Variants in NUP37 observed in about 807,000 individuals in gnomAD.
NUP37 encodes the protein nucleoporin Nup37.
Under a neutral mutation model 45.4 loss-of-function variants are expected in NUP37, and 33 were observed. The observed-to-expected ratio is 0.73, with a 90% CI of 0.55 to 0.97. The LOEUF is 0.97. Among genes scored for constraint, NUP37 ranks in the 50% least tolerant of loss-of-function variants. The pLI is 0.00. For missense variants in NUP37, 365 were observed against 389.7 expected (o/e 0.94, Z 0.53); for synonymous variants, 127 against 130.7 (o/e 0.97, Z 0.19).
intron 5 of NUP37, among the ~76,000 whole-genome samples, chr12:102,096,993 A>C (rs1473345805): frequency 1.3e-5 from 2 of 152,042 alleles, no homozygotes; most frequent in African/African-American, 4.8e-5. Context: ...AATAAGCATA[A>C]ATTTCTTGCA....
chr12:102,079,575 T>G (rs1187684270), intron 6 of NUP37, among the ~76,000 whole-genome samples: 1 of 152,196 alleles, frequency 6.6e-6, no homozygotes, highest in Non-Finnish European at 1.5e-5. Context: ...ATATACTGAT[T>G]CATTAATATA....
intron 9 of NUP37, 41 bp downstream of exon 9, chr12:102,074,960 A>T (rs1879127526): frequency 7.6e-7 from 1 of 1,307,944 alleles, no homozygotes. Context: ...ACAAATTAAA[A>T]AAAAAAAAAG....
At chr12:102,117,280 C>T (rs1488511731) in intron 2 of NUP37, among the ~76,000 whole-genome samples, 1 of 151,420 alleles carries the variant, frequency 6.6e-6, no homozygotes, top group East Asian at 1.9e-4. Context: ...ATCATGAAAC[C>T]CCCTACTAAA....
chr12:102,098,235 T>G (rs10507142), intron 5 of NUP37, among the ~76,000 whole-genome samples: 5,377 of 152,262 alleles, frequency 0.035, 384 homozygotes, highest in East Asian at 0.29. Context: ...GTTCTTTATT[T>G]GTGATATTCT....
At chr12:102,091,972 T>C (rs1365427789) in intron 5 of NUP37, among the ~76,000 whole-genome samples, 6 of 152,212 alleles carry the variant, frequency 3.9e-5, no homozygotes, top group Non-Finnish European at 1.5e-5. Flanking sequence ...TAAATGTTAT[T>C]GTCCCAATAA....
intron 5 of NUP37, among the ~76,000 whole-genome samples, chr12:102,090,360 T>C (rs1400379000): frequency 3.9e-5 from 6 of 152,158 alleles, no homozygotes; most frequent in African/African-American, 1.4e-4. Flanking sequence ...TTTTCTTTTT[T>C]CCCCCTATAG....
chr12:102,092,021 T>C (rs1468940350), intron 5 of NUP37, among the ~76,000 whole-genome samples: 1 of 152,206 alleles, frequency 6.6e-6, no homozygotes, highest in Non-Finnish European at 1.5e-5. Flanking sequence ...GTTGGCATAC[T>C]GGGGATATCC....
intron 5 of NUP37, among the ~76,000 whole-genome samples, chr12:102,096,089 T>C (rs897378394): frequency 6.6e-6 from 1 of 152,150 alleles, no homozygotes; most frequent in Non-Finnish European, 1.5e-5. Context: ...TTTCCTTTTA[T>C]AGAATATATC....
chr12:102,074,179 A>G lies in NUP37; in HGVS notation c.*175T>C, dbSNP rs924738789. 4.5e-6 allele frequency: 2 copies of G among 445,550 alleles called. No homozygotes were observed. The highest frequency in any genetic ancestry group is 4.0e-5 in the African/African-American group (2 of 49,692). 27.6% of individuals were successfully genotyped at this position (445,550 alleles called of 1,614,324 possible). Reference sequence around the variant, plus strand: ...ATATATATACACACACAGAGAACAGAGTAGAAAAATAATTTTTCAAACCAT... The same window carrying G: ...ATATATATACACACACAGAGAACAGGGTAGAAAAATAATTTTTCAAACCAT... On this transcript the variant is annotated 3_prime_UTR_variant, in exon 10 of 10. Transcript: ENST00000552283.
At chr12:102,103,228 G>A (rs1338202150) in intron 3 of NUP37, among the ~76,000 whole-genome samples, 2 of 152,168 alleles carry the variant, frequency 1.3e-5, no homozygotes, top group African/African-American at 4.8e-5. Flanking sequence ...TCCAATCCAT[G>A]AACACAGGAT....
intron 5 of NUP37, among the ~76,000 whole-genome samples, chr12:102,093,958 A>G (rs1470801276): frequency 1.3e-5 from 2 of 152,132 alleles, no homozygotes; most frequent in Non-Finnish European, 2.9e-5. Flanking sequence ...GAGTGATTTT[A>G]CCAGTAAATG....
intron 3 of NUP37, among the ~76,000 whole-genome samples, chr12:102,107,951 T>G (rs923686173): frequency 6.6e-5 from 10 of 152,166 alleles, no homozygotes; most frequent in African/African-American, 9.7e-5. Context: ...GCCTCAAGTG[T>G]TAGTAATGTC....
intron 5 of NUP37, among the ~76,000 whole-genome samples, chr12:102,094,517 A>T (rs1372301920): frequency 1.3e-5 from 2 of 151,986 alleles, no homozygotes; most frequent in African/African-American, 4.8e-5. Flanking sequence ...GGGGTGGAGG[A>T]AGAACACTCC....
In NUP37 at chr12:102,081,530, G is replaced by A. The variant is rs11111152; in HGVS notation, c.541-4027C>T. Among the ~76,000 whole-genome samples, 416 of 152,310 alleles carry A rather than the reference G, an allele frequency of 2.7e-3. 13 individuals carry two copies. In the East Asian group the frequency reaches 0.066, roughly 24 times the overall value. On this transcript the variant is annotated intron_variant, in intron 6 of 9. Coordinates refer to ENST00000552283, the MANE Select transcript of NUP37 (RefSeq NM_024057.4). ...ATTGAGTTCAAATCTGTCACTGTGT[G>A]ACCTTGGGCAAAATGCTTGAACTTT...
At chr12:102,081,232 T>C (rs139716924) in intron 6 of NUP37, among the ~76,000 whole-genome samples, 9 of 152,380 alleles carry the variant, frequency 5.9e-5, no homozygotes, top group Non-Finnish European at 1.0e-4. Context: ...GCTATTATTA[T>C]AGGTTAAAGT....
At chr12:102,076,897 G>T in intron 7 of NUP37, 50 bp from the exon 8 acceptor site, 1 of 1,350,706 alleles carries the variant, frequency 7.4e-7, no homozygotes, top group Non-Finnish European at 1.1e-6. Flanking sequence ...AACTCAAGTG[G>T]GTGAACTTAA....
At chr12:102,079,904 T>C (rs1046869675) in intron 6 of NUP37, among the ~76,000 whole-genome samples, 2 of 152,206 alleles carry the variant, frequency 1.3e-5, no homozygotes, top group African/African-American at 2.4e-5. Flanking sequence ...TCAAACTTTT[T>C]GTTGTTCTGT....
chr12:102,093,869 G>T (rs1879729228), intron 5 of NUP37, among the ~76,000 whole-genome samples: 3 of 152,022 alleles, frequency 2.0e-5, no homozygotes, highest in Admixed American at 2.0e-4. Context: ...CACTGATTTG[G>T]TGATATATTT....
chr12:102,113,313 A>G (rs1880368570), intron 2 of NUP37, among the ~76,000 whole-genome samples: 1 of 152,210 alleles, frequency 6.6e-6, no homozygotes, highest in Admixed American at 6.5e-5. Context: ...AGCAGGAAAA[A>G]ACAGACAAAC....
Sources: gnomAD v4.1 joint callset for allele counts (sites outside exome capture counted in the v4.1 genomes callset) on GRCh38, gnomAD v4.1.1 for gene constraint, MANE v1.5 for transcripts, NCBI Gene and HGNC (gene_info 2026-07-23, HGNC 2026-07-21) for gene names.